PTPRD: variants seen among roughly 807,000 people sequenced by gnomAD.
PTPRD encodes the protein protein tyrosine phosphatase receptor type D, also known as receptor-type tyrosine-protein phosphatase delta.
PTPRD carries 34 observed loss-of-function variants against 214.5 expected under a neutral mutation model. The ratio of observed to expected loss-of-function variants is 0.16; its 90% CI spans 0.12 to 0.21. PTPRD has a LOEUF of 0.21. Ranked by LOEUF, PTPRD falls within the 10% of genes least tolerant of loss-of-function variation. The pLI, the probability that PTPRD is intolerant of heterozygous loss-of-function variation, is 1.00. For synonymous variants in PTPRD, 1,128 were observed against 845.7 expected, an observed-to-expected ratio of 1.33 and a Z score of -5.79; for missense variants, 2,545 against 2,398.7, an observed-to-expected ratio of 1.06 and a Z score of -1.27.
intron 9 of PTPRD, among the ~76,000 whole-genome samples, chr9:9,274,588 C>G (rs1343456840): frequency 2.6e-5 from 4 of 151,198 alleles, no homozygotes; most frequent in Non-Finnish European, 4.4e-5. Flanking sequence ...ATTTGGAGAA[C>G]TCCCAAAAAT....
At chr9:10,505,646 A>G (rs1053942400) in intron 2 of PTPRD, among the ~76,000 whole-genome samples, 2 of 151,956 alleles carry the variant, frequency 1.3e-5, no homozygotes, top group African/African-American at 4.8e-5. Flanking sequence ...CCAAAGCCAC[A>G]TCTTTCTCCA....
chr9:8,761,217 G>A (rs1439346104), intron 11 of PTPRD, among the ~76,000 whole-genome samples: 3 of 152,016 alleles, frequency 2.0e-5, no homozygotes, highest in Non-Finnish European at 2.9e-5. Flanking sequence ...TCCTAATAAG[G>A]CAAAAAGGCA....
intron 2 of PTPRD, among the ~76,000 whole-genome samples, chr9:10,527,811 T>C (rs147234213): frequency 1.3e-5 from 2 of 152,286 alleles, no homozygotes; most frequent in East Asian, 3.9e-4. Flanking sequence ...TAATTACTTA[T>C]GCATATAATT....
chr9:10,011,330 T>C (rs1025693208), intron 4 of PTPRD, among the ~76,000 whole-genome samples: 1 of 151,994 alleles, frequency 6.6e-6, no homozygotes, highest in African/African-American at 2.4e-5. Flanking sequence ...TCCAATTTTC[T>C]TTTCCTTGGT....
At chr9:9,779,473 C>A (rs560702696) in intron 5 of PTPRD, among the ~76,000 whole-genome samples, 3 of 152,188 alleles carry the variant, frequency 2.0e-5, no homozygotes, top group Admixed American at 2.0e-4. Flanking sequence ...GGTCTAATAT[C>A]CGGAATGTAT....
intron 7 of PTPRD, among the ~76,000 whole-genome samples, chr9:9,632,950 T>C (rs1409462594): frequency 2.0e-5 from 3 of 152,012 alleles, no homozygotes; most frequent in Non-Finnish European, 4.4e-5. Flanking sequence ...AGAGTGCCCT[T>C]GGGAAACATT....
At chr9:9,560,934 C>A (rs1457249021) in intron 8 of PTPRD, among the ~76,000 whole-genome samples, 3 of 152,074 alleles carry the variant, frequency 2.0e-5, no homozygotes, top group Non-Finnish European at 2.9e-5. Context: ...GCAAGCCGAG[C>A]TGTGTCCTGG....
intron 11 of PTPRD, among the ~76,000 whole-genome samples, chr9:8,843,054 C>G (rs780556348): frequency 9.2e-5 from 14 of 152,156 alleles, no homozygotes; most frequent in Admixed American, 2.0e-4. Flanking sequence ...TACTGAGCCC[C>G]CTCTTCCAAC....
chr9:10,098,044 G>A (rs914381452), intron 3 of PTPRD, among the ~76,000 whole-genome samples: 9 of 151,690 alleles, frequency 5.9e-5, no homozygotes, highest in African/African-American at 1.9e-4. Flanking sequence ...ACATGCACAC[G>A]TATGTTTATT....
At chr9:9,918,690 C>G (rs1447287454) in intron 5 of PTPRD, among the ~76,000 whole-genome samples, 2 of 151,758 alleles carry the variant, frequency 1.3e-5, no homozygotes, top group African/African-American at 4.9e-5. Flanking sequence ...CAGCATAACA[C>G]TGGCATAAAA....
At chr9:10,181,400 C>T (rs1476295941) in intron 3 of PTPRD, among the ~76,000 whole-genome samples, 1 of 152,116 alleles carries the variant, frequency 6.6e-6, no homozygotes, top group Non-Finnish European at 1.5e-5. Flanking sequence ...TCTGTGTTCA[C>T]AGTTGAAGTG....
At chr9:9,770,810 G>A (rs185664194) in intron 5 of PTPRD, among the ~76,000 whole-genome samples, 1 of 152,116 alleles carries the variant, frequency 6.6e-6, no homozygotes, top group East Asian at 1.9e-4. Flanking sequence ...TAGAGCCAAA[G>A]AAGTATATTG....
At chr9:8,876,888 C>G (rs911466806) in intron 11 of PTPRD, among the ~76,000 whole-genome samples, 1 of 151,988 alleles carries the variant, frequency 6.6e-6, no homozygotes, top group Non-Finnish European at 1.5e-5. Context: ...AATGTATCCT[C>G]CTTGGCCCTT....
chr9:8,593,518 A>G (rs775024618), intron 14 of PTPRD, among the ~76,000 whole-genome samples: 47 of 152,358 alleles, frequency 3.1e-4, no homozygotes, highest in Admixed American at 7.8e-4. Flanking sequence ...GATCTTCTCA[A>G]AATGACATTA....
chr9:9,884,129 A>G (rs912972715), intron 5 of PTPRD, among the ~76,000 whole-genome samples: 1 of 152,116 alleles, frequency 6.6e-6, no homozygotes, highest in Non-Finnish European at 1.5e-5. Flanking sequence ...ATTGTGTTCC[A>G]AACTATGTAG....
At chr9:8,981,659 G>C (rs10977421) in intron 11 of PTPRD, among the ~76,000 whole-genome samples, 18,687 of 151,986 alleles carry the variant, frequency 0.12, 1,269 homozygotes, top group South Asian at 0.21. Context: ...AGGAGACTGG[G>C]CTGGGCACAC....
chr9:9,930,980 A>G (rs1239076107), intron 5 of PTPRD, among the ~76,000 whole-genome samples: 1 of 152,106 alleles, frequency 6.6e-6, no homozygotes, highest in Non-Finnish European at 1.5e-5. Flanking sequence ...ATAAAAATAT[A>G]TTTAAATATG....
chr9:8,768,707 C>A (rs7873114), intron 11 of PTPRD, among the ~76,000 whole-genome samples: 1 of 152,066 alleles, frequency 6.6e-6, no homozygotes, highest in African/African-American at 2.4e-5. Context: ...ATAAAACTTA[C>A]TTTCCTTCTA....
At chr9:9,746,307 A>G (rs1357158318) in intron 6 of PTPRD, among the ~76,000 whole-genome samples, 2 of 152,176 alleles carry the variant, frequency 1.3e-5, no homozygotes, top group East Asian at 3.9e-4. Flanking sequence ...AATCATTACT[A>G]GATTGGAAAG....
Sources: allele counts gnomAD v4.1 joint callset (sites outside exome capture counted in the v4.1 genomes callset), GRCh38; gene constraint gnomAD v4.1.1; transcripts MANE v1.5; gene names NCBI Gene and HGNC (gene_info 2026-07-23, HGNC 2026-07-21).